Variants in GPR65 observed in about 807,000 individuals in gnomAD.
The protein encoded by GPR65 is G protein-coupled receptor 65.
Under a neutral mutation model 0.7 loss-of-function variants are expected in GPR65, and 2 were observed. The ratio of observed to expected loss-of-function variants is 2.83; its 90% CI spans 1.16 to 8.92. The LOEUF (loss-of-function observed/expected upper bound fraction) is 8.92. Ranked by LOEUF, GPR65 falls within the 30% of genes most tolerant of loss-of-function variation. GPR65 has a pLI of 0.04. For synonymous variants in GPR65, 128 were observed against 146.5 expected, an observed-to-expected ratio of 0.87 and a Z score of 0.91; for missense variants, 379 against 399.4, an observed-to-expected ratio of 0.95 and a Z score of 0.43.
intron 1 of GPR65, among the ~76,000 whole-genome samples, chr14:88,007,898 G>A (rs1887619360): frequency 1.3e-5 from 2 of 151,060 alleles, no homozygotes; most frequent in South Asian, 4.2e-4. Flanking sequence ...GTTCAAGGGG[G>A]GATCTGTGTC....
In GPR65 at chr14:88,011,952, G is replaced by A; in HGVS notation, c.*91G>A. 1.1e-6 allele frequency: 1 copy of A among 917,204 alleles called. No homozygotes were observed. Among genetic ancestry groups the A allele is most frequent in the Non-Finnish European group, 1.7e-6 (1 of 594,974 alleles). The allele number at this position is 917,204 out of a possible 1,614,324, so 56.8% of individuals were successfully genotyped here. A position where few individuals can be genotyped will look rare whatever the true frequency, so the allele number is the denominator to read the frequency against. ...TTTGAAAAGGAAATCTAGCATGTGA[G>A]GGGACTAAGTGTTCTCAGAGTGATG... On this transcript the variant is annotated 3_prime_UTR_variant, in exon 2 of 2. Transcript: ENST00000267549.
chr14:88,008,230 C>CA (rs1887625098), intron 1 of GPR65, among the ~76,000 whole-genome samples: 1 of 152,138 alleles, frequency 6.6e-6, no homozygotes, highest in Non-Finnish European at 1.5e-5. Context: ...TGCATTTCTA[C>CA]AAACTGAGCA....
At chr14:88,008,508 A>G (rs1020466498) in intron 1 of GPR65, among the ~76,000 whole-genome samples, 1 of 152,116 alleles carries the variant, frequency 6.6e-6, no homozygotes, top group African/African-American at 2.4e-5. Context: ...TGAGGTGTAG[A>G]TTTCAGTGGT....
At position 88,010,953 on chromosome 14, in the gene GPR65, C is replaced by G. The variant is rs1555385317; in HGVS notation, c.106C>G (p.Leu36Val). ...CAGCATTCCAGCCAATATTGGATCT[C>G]TGTGTGTGTCTTTCCTGCAAGCAAA... ...IVSIPANIGS[L>V]CVSFLQAKKE... Residue 36 changes from leucine (L) to valine (V), a missense_variant, in exon 2 of 2, where the codon CTG (leucine) becomes GTG (valine). Coordinates refer to ENST00000267549, the MANE Select transcript of GPR65 (RefSeq NM_003608.4). 1 of 1,612,758 alleles carries G rather than the reference C, an allele frequency of 6.2e-7. No individual in the cohort carries two copies. Among genetic ancestry groups the G allele is most frequent in the Non-Finnish European group, 8.5e-7 (1 of 1,178,800 alleles).
chr14:88,011,218 T>G lies in GPR65; in HGVS notation c.371T>G (p.Phe124Cys). ...GTTGTCTACCCTTTGAAGTTTTTTT[T>G]CCTAAGGACAAGAAGATTTGCACTC... ...LAVVYPLKFFFLRTRRFALMV... is the reference protein window; with the variant it reads ...LAVVYPLKFFCLRTRRFALMV... The change falls in exon 2 of 2, where the codon TTC becomes TGC. Residue 124 changes from phenylalanine (F) to cysteine (C), a missense_variant. Transcript: ENST00000267549. 6.2e-7 allele frequency: 1 copy of G among 1,613,922 alleles called. No homozygotes were observed.
Position 88,011,771 on chromosome 14 carries a change from C to A in GPR65, c.924C>A (p.Cys308Ter), listed in dbSNP as rs2139783836. The A allele has an allele frequency of 6.2e-7, 1 of 1,610,950 alleles. No homozygotes were observed. The highest frequency in any genetic ancestry group is 2.2e-5 in the East Asian group (1 of 44,854). Residue 308 changes from cysteine (C) to a stop codon, truncating the protein, a stop_gained, in exon 2 of 2, where the codon TGC (cysteine) becomes TGA (stop). Coordinates refer to ENST00000267549, the MANE Select transcript of GPR65 (RefSeq NM_003608.4). LOFTEE classifies it low-confidence loss of function (END_TRUNC). The part of the protein sequence containing the change: ...RYDMWNILKF[C>*]TGRCNTSQRQ... The stretch of plus-strand genomic sequence containing the variant: ...ATATGTGGAATATATTAAAATTCTG[C>A]ACTGGGAGGTGTAATACATCACAAA...
In GPR65 at chr14:88,010,772, AACAAACT is replaced by A. The variant is rs556374123; in HGVS notation, c.-70_-64del. 1,231 of 1,027,266 alleles carry A rather than the reference AACAAACT, an allele frequency of 1.2e-3. 12 individuals carry two copies. In the African/African-American group the frequency reaches 0.018, roughly 15 times the overall value. The allele number at this position is 1,027,266 out of a possible 1,614,324, so 63.6% of individuals were successfully genotyped here. ...CAGTAAAAGCGAATTCGATGTTCAA[AACAAACT>A]ACAAAGAGACAAGACTTCTCTGTTT... On this transcript the variant is annotated 5_prime_UTR_variant, in exon 2 of 2. It removes the in-frame stop codon of an upstream open reading frame in the 5' UTR. Coordinates refer to ENST00000267549, the MANE Select transcript of GPR65 (RefSeq NM_003608.4).
rs747556128 is a variant in GPR65, at chr14:88,011,462, A to G, written c.615A>G (p.Lys205=). 1.2e-6 allele frequency: 2 copies of G among 1,614,156 alleles called. No individual in the cohort carries two copies. Among genetic ancestry groups the G allele is most frequent in the East Asian group, 2.2e-5 (1 of 44,888 alleles). The change falls in exon 2 of 2, where the codon AAA becomes AAG. Residue 205 remains lysine (K), a synonymous_variant. Transcript: ENST00000267549. ...TCACCATCCTGATCTGCAACCGGAA[A>G]GTCTACCAAGCTGTGCGGCACAATA... ...PLVTILICNR[K]VYQAVRHNKA...
intron 1 of GPR65, among the ~76,000 whole-genome samples, chr14:88,006,445 C>T (rs1887595424): frequency 6.6e-6 from 1 of 152,164 alleles, no homozygotes; most frequent in Admixed American, 6.5e-5. Context: ...CGCTCTTAAC[C>T]ACAAGCCTGT....
chr14:88,011,439 A>G lies in GPR65; in HGVS notation c.592A>G (p.Thr198Ala). The G allele has an allele frequency of 6.2e-7, 1 of 1,614,128 alleles. No individual in the cohort carries two copies. The highest frequency in any genetic ancestry group is 8.5e-7 in the Non-Finnish European group (1 of 1,180,000). The change falls in exon 2 of 2, where the codon ACC becomes GCC. Residue 198 changes from threonine to alanine, a missense_variant. Physicochemically the swap from Thr to Ala is moderately conservative, Grantham distance 58 (BLOSUM62 0). Coordinates refer to ENST00000267549, the MANE Select transcript of GPR65 (RefSeq NM_003608.4). Reference sequence around the variant, plus strand: ...TACAGGCTATGCAATACCTTTGGTCACCATCCTGATCTGCAACCGGAAAGT... The same window carrying G: ...TACAGGCTATGCAATACCTTTGGTCGCCATCCTGATCTGCAACCGGAAAGT... ...TCTGYAIPLVTILICNRKVYQ... is the reference protein window; with the variant it reads ...TCTGYAIPLVAILICNRKVYQ...
At position 88,009,233 on chromosome 14, in the gene GPR65, C is replaced by A. The variant is rs186653521; in HGVS notation, c.-459-1156C>A. Among the ~76,000 whole-genome samples, 8 of 152,132 alleles carry A rather than the reference C, an allele frequency of 5.3e-5. No homozygotes were observed. In the East Asian group the frequency reaches 1.5e-3, roughly 29 times the overall value. Reference sequence around the variant, plus strand: ...TATGTCTTCAGGCCATCCAGAGCTCCGGCGCTCACTCACCTCCCTGATAAC... The same window carrying A: ...TATGTCTTCAGGCCATCCAGAGCTCAGGCGCTCACTCACCTCCCTGATAAC... On this transcript the variant is annotated intron_variant, in intron 1 of 1. Coordinates refer to ENST00000267549, the MANE Select transcript of GPR65 (RefSeq NM_003608.4).
In GPR65 at chr14:88,011,751, T is replaced by A. The variant is rs1421803840; in HGVS notation, c.904T>A (p.Trp302Arg). 1 of 1,612,830 alleles carries A rather than the reference T, an allele frequency of 6.2e-7. No homozygotes were observed. The highest frequency in any genetic ancestry group is 1.1e-5 in the South Asian group (1 of 91,056). Residue 302 changes from tryptophan to arginine, a missense_variant, in exon 2 of 2, where the codon TGG (tryptophan) becomes AGG (arginine). Coordinates refer to ENST00000267549, the MANE Select transcript of GPR65 (RefSeq NM_003608.4). Reference protein sequence around the residue: ...FVTETGRYDMWNILKFCTGRC... With the variant: ...FVTETGRYDMRNILKFCTGRC... The stretch of plus-strand genomic sequence containing the variant: ...AACCGAAACAGGAAGATATGATATG[T>A]GGAATATATTAAAATTCTGCACTGG...
chr14:88,011,065 A>G lies in GPR65; in HGVS notation c.218A>G (p.Tyr73Cys), dbSNP rs1477084806. 1.2e-6 allele frequency: 2 copies of G among 1,612,820 alleles called. No homozygotes were observed. The highest frequency in any genetic ancestry group is 2.7e-5 in the African/African-American group (2 of 74,872). The change falls in exon 2 of 2, where the codon TAT (tyrosine) becomes TGT (cysteine). Residue 73 changes from tyrosine (Y) to cysteine (C), a missense_variant. Physicochemically the swap from Tyr to Cys is radical, Grantham distance 194. Transcript: ENST00000267549. ...YALTLPLWID[Y>C]TWNKDNWTFS... ...TTAACTCTCCCTTTATGGATTGATT[A>G]TACCTGGAATAAAGACAACTGGACT... is the stretch of plus-strand genomic sequence containing the variant.
intron 1 of GPR65, among the ~76,000 whole-genome samples, chr14:88,006,306 T>C (rs555225186): frequency 6.6e-6 from 1 of 152,310 alleles, no homozygotes; most frequent in Admixed American, 6.5e-5. Context: ...TCGTTTCATT[T>C]AACCCTCACA....
rs1156506953 is a variant in GPR65 at position 88,010,603 on chromosome 14, AC to A, written c.-241del. ...GACTTCTGTTTATTAAATTCAGTTG[AC>A]CCCTTTAGCCAATTGCCAGGAGCCT... On this transcript the variant is annotated 5_prime_UTR_variant, in exon 2 of 2. An upstream open reading frame in the 5' UTR loses its in-frame stop. Transcript: ENST00000267549. 5 of 434,690 alleles carry A rather than the reference AC, an allele frequency of 1.2e-5. No homozygotes were observed. In the South Asian group the frequency reaches 1.3e-4, roughly 11 times the overall value. 26.9% of individuals were successfully genotyped at this position (434,690 alleles called of 1,614,324 possible).
intron 1 of GPR65, among the ~76,000 whole-genome samples, chr14:88,008,999 G>C (rs1306124732): frequency 6.6e-6 from 1 of 152,100 alleles, no homozygotes; most frequent in African/African-American, 2.4e-5. Flanking sequence ...AAACCAAGCA[G>C]AGGCAGGGAA....
intron 1 of GPR65, among the ~76,000 whole-genome samples, chr14:88,008,255 G>A (rs927536987): frequency 6.6e-6 from 1 of 152,120 alleles, no homozygotes; most frequent in Non-Finnish European, 1.5e-5. Context: ...CATGGAACCA[G>A]CCACCCCTAC....
chr14:88,007,437 C>A lies in GPR65; in HGVS notation c.-460+2215C>A, dbSNP rs575763276. 3.0e-4 allele frequency among the ~76,000 whole-genome samples: 45 copies of A among 152,076 alleles called. No individual in the cohort carries two copies. The South Asian group carries it at 9.1e-3, about 31-fold the overall frequency. The stretch of plus-strand genomic sequence containing the variant: ...TATATTTTCCCATGTCCTTAACATG[C>A]TGATAATTTTGTGTTATTTCTTTAT... On this transcript the variant is annotated intron_variant, in intron 1 of 1. Coordinates refer to ENST00000267549, the MANE Select transcript of GPR65 (RefSeq NM_003608.4).
In GPR65 at chr14:88,011,004, C is replaced by A. The variant is rs764064545; in HGVS notation, c.157C>A (p.Leu53Ile). The A allele has an allele frequency of 8.7e-6, 14 of 1,613,458 alleles. No individual in the cohort carries two copies. Among genetic ancestry groups the A allele is most frequent in the Middle Eastern group, 1.7e-4 (1 of 6,058 alleles). The change falls in exon 2 of 2, where the codon CTC (leucine) becomes ATC (isoleucine). Residue 53 changes from leucine (L) to isoleucine (I), a missense_variant. Leu to Ile is a conservative substitution (Grantham distance 5). Transcript: ENST00000267549. The stretch of plus-strand genomic sequence containing the variant: ...GAAGGAAAGTGAACTAGGAATTTAC[C>A]TCTTCAGTTTGTCACTATCAGATTT... ...AKKESELGIY[L>I]FSLSLSDLLY...
Sources: gnomAD v4.1 joint callset for allele counts (sites outside exome capture counted in the v4.1 genomes callset) on GRCh38, gnomAD v4.1.1 for gene constraint, MANE v1.5 for transcripts, NCBI Gene and HGNC (gene_info 2026-07-23, HGNC 2026-07-21) for gene names.